The following PCDH9 variants were observed in gnomAD, a reference collection of about 807,000 sequenced individuals.
PCDH9 encodes the protein protocadherin-9.
Under a neutral mutation model 70.6 loss-of-function variants are expected in PCDH9, and 24 were observed. The observed-to-expected ratio is 0.34, with a 90% CI of 0.25 to 0.48. The LOEUF is 0.48. PCDH9 is among the 20% of genes least tolerant of loss of function. The pLI is 0.99. For synonymous variants in PCDH9, 562 were observed against 558.5 expected (o/e 1.01, Z -0.09); for missense variants, 1,281 against 1,503.6 (o/e 0.85, Z 2.45).
At chr13:66,939,369 A>G (rs991312528) in intron 2 of PCDH9, among the ~76,000 whole-genome samples, 17 of 151,964 alleles carry the variant, frequency 1.1e-4, no homozygotes, top group African/African-American at 3.4e-4. Context: ...AAGAATCCCA[A>G]AGGATAATTT....
At chr13:66,568,643 G>C (rs1483679693) in intron 4 of PCDH9, among the ~76,000 whole-genome samples, 1 of 151,126 alleles carries the variant, frequency 6.6e-6, no homozygotes, top group Admixed American at 6.6e-5. Context: ...CTGCAATCCA[G>C]CCTGAATGAC....
chr13:66,432,020 T>G (rs890152483), intron 4 of PCDH9, among the ~76,000 whole-genome samples: 1 of 152,044 alleles, frequency 6.6e-6, no homozygotes, highest in Admixed American at 6.6e-5. Context: ...GCAAGTGTTT[T>G]TTTATTCGTT....
chr13:66,817,417 A>G (rs887505633), intron 3 of PCDH9, among the ~76,000 whole-genome samples: 1 of 152,120 alleles, frequency 6.6e-6, no homozygotes, highest in African/African-American at 2.4e-5. Flanking sequence ...TTGTTTCTCT[A>G]ATGAACCCTT....
chr13:67,211,234 T>G (rs777919875), intron 2 of PCDH9: 14 of 151,990 alleles, frequency 9.2e-5, no homozygotes, highest in Non-Finnish European at 1.9e-4. Context: ...TTTAGCAGGT[T>G]TCAATTTCGT....
intron 2 of PCDH9, among the ~76,000 whole-genome samples, chr13:66,947,596 G>A (rs2139695280): frequency 6.6e-6 from 1 of 152,242 alleles, no homozygotes; most frequent in East Asian, 1.9e-4. Context: ...GGGTAGAAAA[G>A]TCTTCATGGA....
chr13:66,399,967 A>G (rs565033999), intron 4 of PCDH9, among the ~76,000 whole-genome samples: 14 of 152,172 alleles, frequency 9.2e-5, no homozygotes, highest in African/African-American at 3.1e-4. Context: ...TGACTTTCCA[A>G]TTCAATTTAA....
At chr13:66,927,727 A>T (rs1476426644) in intron 2 of PCDH9, among the ~76,000 whole-genome samples, 2 of 151,548 alleles carry the variant, frequency 1.3e-5, no homozygotes, top group African/African-American at 2.4e-5. Flanking sequence ...CTGTGTACTA[A>T]TCTCTTCTTA....
intron 2 of PCDH9, among the ~76,000 whole-genome samples, chr13:66,936,945 C>T (rs2082925103): frequency 6.6e-6 from 1 of 152,192 alleles, no homozygotes; most frequent in Non-Finnish European, 1.5e-5. Flanking sequence ...TAAGCTACTT[C>T]ATAAAACTGC....
At chr13:66,714,988 C>A (rs2078850445) in intron 3 of PCDH9, among the ~76,000 whole-genome samples, 1 of 152,156 alleles carries the variant, frequency 6.6e-6, no homozygotes, top group Non-Finnish European at 1.5e-5. Flanking sequence ...ATTTATCATA[C>A]TGCCTCTACT....
At chr13:66,309,861 C>G (rs1262183553) in intron 4 of PCDH9, among the ~76,000 whole-genome samples, 1 of 151,308 alleles carries the variant, frequency 6.6e-6, no homozygotes, top group Non-Finnish European at 1.5e-5. Flanking sequence ...TTTTCTGTTT[C>G]TCTATTTTTT....
intron 2 of PCDH9, among the ~76,000 whole-genome samples, chr13:67,104,487 T>A (rs191699783): frequency 4.6e-5 from 7 of 152,324 alleles, no homozygotes; most frequent in Admixed American, 4.6e-4. Flanking sequence ...CAAACTTGCC[T>A]GATGCAACCC....
intron 2 of PCDH9, among the ~76,000 whole-genome samples, chr13:67,196,539 C>A (rs934341431): frequency 6.6e-6 from 1 of 152,018 alleles, no homozygotes; most frequent in Non-Finnish European, 1.5e-5. Flanking sequence ...GAGAAAACTA[C>A]TTATAGTGTA....
At chr13:66,658,444 T>C (rs1477413755) in intron 3 of PCDH9, among the ~76,000 whole-genome samples, 1 of 152,144 alleles carries the variant, frequency 6.6e-6, no homozygotes, top group East Asian at 1.9e-4. Context: ...TGATCATTTA[T>C]TGGTTAATTT....
chr13:67,012,404 GC>G (rs2084468716), intron 2 of PCDH9, among the ~76,000 whole-genome samples: 1 of 151,712 alleles, frequency 6.6e-6, no homozygotes, highest in South Asian at 2.1e-4. Context: ...CTTTTTCAAG[GC>G]ACAACAAGTA....
chr13:67,222,469 G>C (rs1011746416), intron 2 of PCDH9: 3 of 151,916 alleles, frequency 2.0e-5, no homozygotes, highest in East Asian at 3.9e-4. Context: ...ACAGCAAGGG[G>C]AAAAATATCA....
At chr13:66,523,464 A>C (rs1593618197) in intron 4 of PCDH9, among the ~76,000 whole-genome samples, 1 of 152,194 alleles carries the variant, frequency 6.6e-6, no homozygotes, top group East Asian at 1.9e-4. Context: ...ACAGTATTTC[A>C]TTTGTTCAAG....
intron 3 of PCDH9, among the ~76,000 whole-genome samples, chr13:66,654,119 G>A (rs1241464741): frequency 6.6e-6 from 1 of 152,076 alleles, no homozygotes; most frequent in African/African-American, 2.4e-5. Context: ...AAACACAATG[G>A]AATATTACTC....
At chr13:67,025,243 G>T (rs1026178249) in intron 2 of PCDH9, among the ~76,000 whole-genome samples, 15 of 151,794 alleles carry the variant, frequency 9.9e-5, no homozygotes, top group African/African-American at 3.4e-4. Context: ...ATTTTCTTTT[G>T]ACCCTTCTGT....
At chr13:66,598,453 T>C (rs2077128568) in intron 4 of PCDH9, among the ~76,000 whole-genome samples, 1 of 151,864 alleles carries the variant, frequency 6.6e-6, no homozygotes, top group African/African-American at 2.4e-5. Flanking sequence ...TTAATACATG[T>C]TTATCTTTTT....
Sources: allele counts gnomAD v4.1 joint callset (sites outside exome capture counted in the v4.1 genomes callset), GRCh38; gene constraint gnomAD v4.1.1; transcripts MANE v1.5; gene names NCBI Gene and HGNC (gene_info 2026-07-23, HGNC 2026-07-21).